AGBL1: variants seen among roughly 807,000 people sequenced by gnomAD.
AGBL1 encodes the protein cytosolic carboxypeptidase 4.
In AGBL1, 130 loss-of-function variants were observed where a neutral mutation model predicts 118.9. The ratio of observed to expected loss-of-function variants is 1.09; its 90% CI spans 0.95 to 1.26. The LOEUF (loss-of-function observed/expected upper bound fraction) is 1.26, where lower values mean the gene tolerates loss of function less well. Among genes scored for constraint, AGBL1 ranks in the 50% most tolerant of loss-of-function variants. AGBL1 has a pLI of 0.00. For synonymous variants in AGBL1, 555 were observed against 478.9 expected (o/e 1.16, Z -2.08); for missense variants, 1,584 against 1,298.1 (o/e 1.22, Z -3.38).
At chr15:86,178,249 G>A (rs906938902) in intron 5 of AGBL1, among the ~76,000 whole-genome samples, 7 of 152,162 alleles carry the variant, frequency 4.6e-5, no homozygotes. Flanking sequence ...GGAGTTGGAG[G>A]TTGCAGTGAG....
At chr15:86,595,288 T>C (rs994670422) in intron 21 of AGBL1, among the ~76,000 whole-genome samples, 3 of 152,138 alleles carry the variant, frequency 2.0e-5, no homozygotes, top group East Asian at 1.9e-4. Flanking sequence ...GACCTAAAAG[T>C]CTAACAGACA....
chr15:86,634,571 G>A (rs1282243117), intron 21 of AGBL1, among the ~76,000 whole-genome samples: 1 of 152,164 alleles, frequency 6.6e-6, no homozygotes, highest in Non-Finnish European at 1.5e-5. Context: ...AATGGGAAGT[G>A]TCTGCTAATG....
intron 22 of AGBL1, among the ~76,000 whole-genome samples, chr15:86,798,522 A>G (rs1039574737): frequency 5.3e-5 from 8 of 152,076 alleles, no homozygotes; most frequent in Non-Finnish European, 8.8e-5. Context: ...AAGATTGGTT[A>G]GTAACCTATT....
intron 15 of AGBL1, among the ~76,000 whole-genome samples, chr15:86,274,771 A>T (rs2079219504): frequency 6.6e-6 from 1 of 152,230 alleles, no homozygotes; most frequent in Non-Finnish European, 1.5e-5. Context: ...CATTAGGCTG[A>T]CATCGAGACA....
At chr15:87,011,621 G>C (rs1190066872) in intron 24 of AGBL1, among the ~76,000 whole-genome samples, 1 of 152,114 alleles carries the variant, frequency 6.6e-6, no homozygotes, top group Non-Finnish European at 1.5e-5. Context: ...TAGGAAAAAG[G>C]GATCTACCAG....
chr15:86,224,795 G>C, intron 5 of AGBL1, 119 bp from the exon 6 acceptor site: 1 of 905,278 alleles, frequency 1.1e-6, no homozygotes, highest in East Asian at 2.4e-5. Context: ...TAGATTGCCT[G>C]CTACCTGGTT....
At chr15:86,956,256 G>GATAC (rs777606266) in intron 23 of AGBL1, among the ~76,000 whole-genome samples, 1 of 151,378 alleles carries the variant, frequency 6.6e-6, no homozygotes, top group African/African-American at 2.4e-5. Flanking sequence ...TAGATAGATA[G>GATAC]ATAGATTAGA....
At chr15:86,733,685 C>T (rs556895390) in intron 22 of AGBL1, among the ~76,000 whole-genome samples, 1 of 152,188 alleles carries the variant, frequency 6.6e-6, no homozygotes, top group South Asian at 2.1e-4. Context: ...TCTATATGTG[C>T]TCGTAACAAT....
intron 22 of AGBL1, among the ~76,000 whole-genome samples, chr15:86,888,145 G>C (rs2079997489): frequency 6.6e-6 from 1 of 151,916 alleles, no homozygotes; most frequent in Non-Finnish European, 1.5e-5. Context: ...CAGTCCCTGG[G>C]ACCAGCAGGG....
intron 18 of AGBL1, among the ~76,000 whole-genome samples, chr15:86,433,949 TA>T (rs2081970752): frequency 6.6e-6 from 1 of 152,220 alleles, no homozygotes; most frequent in Middle Eastern, 3.2e-3. Flanking sequence ...ACCCAGTTTA[TA>T]AAATGTTCCT....
At chr15:86,194,880 T>C (rs1438713022) in intron 5 of AGBL1, among the ~76,000 whole-genome samples, 1 of 152,212 alleles carries the variant, frequency 6.6e-6, no homozygotes, top group East Asian at 1.9e-4. Context: ...GAAAGATATA[T>C]ATTTCTACAA....
At chr15:87,025,472 G>A (rs1327957369) in intron 24 of AGBL1, among the ~76,000 whole-genome samples, 1 of 151,848 alleles carries the variant, frequency 6.6e-6, no homozygotes, top group Non-Finnish European at 1.5e-5. Flanking sequence ...AAGGAAAACT[G>A]CAAAACATTG....
chr15:86,370,264 A>G (rs1286970259), intron 17 of AGBL1, among the ~76,000 whole-genome samples: 1 of 151,236 alleles, frequency 6.6e-6, no homozygotes, highest in Non-Finnish European at 1.5e-5. Flanking sequence ...TTACATCTGC[A>G]GCTACCTAGT....
At chr15:86,804,910 C>G (rs2078696476) in intron 22 of AGBL1, among the ~76,000 whole-genome samples, 1 of 152,052 alleles carries the variant, frequency 6.6e-6, no homozygotes, top group African/African-American at 2.4e-5. Flanking sequence ...GAATATAAAC[C>G]AAGAGCTCAA....
In AGBL1 at chr15:86,911,435, T is replaced by C. The variant is rs1293668288; in HGVS notation, c.*4141T>C. The C allele has an allele frequency of 6.6e-6, 1 of 152,120 alleles. No homozygotes were observed. Among genetic ancestry groups the C allele is most frequent in the African/African-American group, 2.4e-5 (1 of 41,352 alleles). 9.4% of individuals were successfully genotyped at this position (152,120 alleles called of 1,614,324 possible). A position where few individuals can be genotyped will look rare whatever the true frequency, so the allele number is the denominator to read the frequency against. On this transcript the variant is annotated 3_prime_UTR_variant, in exon 23 of 23. Transcript: ENST00000614907. ...TAACACTTCCCTCTGGCAAGAGGCT[T>C]TGTGGCTTCACATTTCCTTCAGAAG... is the stretch of plus-strand genomic sequence containing the variant.
At chr15:86,275,297 C>T (rs1459679883) in intron 15 of AGBL1, among the ~76,000 whole-genome samples, 2 of 152,166 alleles carry the variant, frequency 1.3e-5, no homozygotes, top group African/African-American at 2.4e-5. Flanking sequence ...AGATGAATGT[C>T]ATACAAGAGC....
intron 17 of AGBL1, among the ~76,000 whole-genome samples, chr15:86,376,870 T>C (rs181691790): frequency 6.6e-6 from 1 of 152,374 alleles, no homozygotes; most frequent in East Asian, 1.9e-4. Flanking sequence ...GCCAGACTTA[T>C]CTTTGGGTAA....
At chr15:86,808,261 A>T (rs16978009) in intron 22 of AGBL1, among the ~76,000 whole-genome samples, 2 of 152,120 alleles carry the variant, frequency 1.3e-5, no homozygotes, top group East Asian at 3.9e-4. Flanking sequence ...GTGCTTCTCC[A>T]TGCTACCCGT....
chr15:86,382,633 T>G (rs372745047), intron 17 of AGBL1, among the ~76,000 whole-genome samples: 118 of 152,176 alleles, frequency 7.8e-4, no homozygotes, highest in African/African-American at 2.7e-3. Context: ...CTGTAGTCAT[T>G]TTGAGTGAAC....
Sources: allele counts gnomAD v4.1 joint callset (sites outside exome capture counted in the v4.1 genomes callset), GRCh38; gene constraint gnomAD v4.1.1; transcripts MANE v1.5; gene names NCBI Gene and HGNC (gene_info 2026-07-23, HGNC 2026-07-21).